NLN: variants seen among roughly 807,000 people sequenced by gnomAD.
The protein encoded by NLN is neurolysin, mitochondrial.
Under a neutral mutation model 79.9 loss-of-function variants are expected in NLN, and 64 were observed. The ratio of observed to expected loss-of-function variants is 0.80; its 90% CI spans 0.65 to 0.99. The LOEUF (loss-of-function observed/expected upper bound fraction) is 0.99. Among genes scored for constraint, NLN ranks in the 50% least tolerant of loss-of-function variants. The pLI, the probability that NLN is intolerant of heterozygous loss-of-function variation, is 0.00. For synonymous variants in NLN, 267 were observed against 296.6 expected, an observed-to-expected ratio of 0.90 and a Z score of 1.02; for missense variants, 835 against 858.7, an observed-to-expected ratio of 0.97 and a Z score of 0.34.
At chr5:65,809,462 C>A in intron 9 of NLN, 53 bp from the exon 10 acceptor site, 1 of 1,424,868 alleles carries the variant, frequency 7.0e-7, no homozygotes, top group Non-Finnish European at 9.6e-7. Context: ...TTATTCATTG[C>A]ATATGTACTT....
intron 5 of NLN, 71 bp from the exon 6 acceptor site, chr5:65,781,190 G>A: frequency 2.3e-6 from 2 of 880,486 alleles, no homozygotes; most frequent in South Asian, 3.3e-5. Context: ...CTACCAAAAG[G>A]CACCATGCCA....
chr5:65,751,353 A>G (rs551255196), intron 1 of NLN, among the ~76,000 whole-genome samples: 1 of 152,312 alleles, frequency 6.6e-6, no homozygotes, highest in South Asian at 2.1e-4. Context: ...ACTTGTGATG[A>G]TGAGGGAAGA....
intron 9 of NLN, among the ~76,000 whole-genome samples, chr5:65,799,332 T>G (rs548530551): frequency 2.6e-4 from 40 of 152,134 alleles, no homozygotes; most frequent in Non-Finnish European, 5.0e-4. Context: ...AAATAAAAAA[T>G]TAAAAGCATA....
Position 65,758,721 on chromosome 5 carries a change from G to T in NLN, c.196G>T (p.Val66Leu). 1 of 1,613,820 alleles carries T rather than the reference G, an allele frequency of 6.2e-7. No individual in the cohort carries two copies. The change falls in exon 2 of 13, where the codon GTG (valine) becomes TTG (leucine). Residue 66 changes from valine (V) to leucine (L), a missense_variant. Val to Leu is a conservative substitution (Grantham distance 32). Coordinates refer to ENST00000380985, the MANE Select transcript of NLN (RefSeq NM_020726.5). ...QIKTRTEELI[V>L]QTKQVYDAVG... ...TAAAACAAGAACTGAGGAGCTCATT[G>T]TGCAGACCAAACAGGTGTACGATGC...
At chr5:65,731,207 G>A (rs117143388) in intron 1 of NLN, among the ~76,000 whole-genome samples, 1 of 152,320 alleles carries the variant, frequency 6.6e-6, no homozygotes, top group East Asian at 1.9e-4. Flanking sequence ...GTCAGTGGCA[G>A]GGTTCCATGA....
chr5:65,757,254 C>A (rs1307281998), intron 1 of NLN, among the ~76,000 whole-genome samples: 2 of 152,122 alleles, frequency 1.3e-5, no homozygotes, highest in South Asian at 2.1e-4. Flanking sequence ...TACAGTAATG[C>A]CCTACCTACC....
intron 12 of NLN, among the ~76,000 whole-genome samples, chr5:65,817,604 T>G (rs1157871962): frequency 1.3e-5 from 2 of 152,252 alleles, no homozygotes; most frequent in Non-Finnish European, 2.9e-5. Context: ...CCTCCTCTTT[T>G]GCATTTGAAG....
At chr5:65,793,769 A>C (rs185947867) in intron 9 of NLN, 7 of 152,224 alleles carry the variant, frequency 4.6e-5, no homozygotes, top group Non-Finnish European at 1.0e-4. Context: ...CATTTTTATT[A>C]GGATACTTTT....
At chr5:65,750,430 A>G (rs925622619) in intron 1 of NLN, among the ~76,000 whole-genome samples, 7 of 152,254 alleles carry the variant, frequency 4.6e-5, no homozygotes, top group Admixed American at 6.5e-5. Flanking sequence ...GAGGAAATAG[A>G]TAAGTTGGCC....
At chr5:65,739,783 G>C (rs1239697840) in intron 1 of NLN, among the ~76,000 whole-genome samples, 1 of 151,968 alleles carries the variant, frequency 6.6e-6, no homozygotes, top group Middle Eastern at 3.2e-3. Context: ...TCATATACCT[G>C]TTTGCCATTT....
chr5:65,782,537 C>T (rs1205788174), intron 6 of NLN, among the ~76,000 whole-genome samples: 1 of 152,194 alleles, frequency 6.6e-6, no homozygotes, highest in African/African-American at 2.4e-5. Context: ...TTAATGAAGT[C>T]TGCTTTCAGG....
chr5:65,744,053 G>T (rs2561228), intron 1 of NLN, among the ~76,000 whole-genome samples: 35,997 of 152,034 alleles, frequency 0.24, 4,392 homozygotes, highest in African/African-American at 0.27. Flanking sequence ...CTGATATTCT[G>T]TTATTTCATT....
At chr5:65,754,951 T>C (rs796500029) in intron 1 of NLN, among the ~76,000 whole-genome samples, 23 of 152,308 alleles carry the variant, frequency 1.5e-4, no homozygotes, top group African/African-American at 5.3e-4. Context: ...AGTGTTCATG[T>C]AGGCAATTTA....
chr5:65,746,699 A>G (rs1271792302), intron 1 of NLN, among the ~76,000 whole-genome samples: 1 of 152,174 alleles, frequency 6.6e-6, no homozygotes, highest in African/African-American at 2.4e-5. Flanking sequence ...AGGCAGTACA[A>G]ATGAGACATT....
intron 12 of NLN, among the ~76,000 whole-genome samples, chr5:65,818,067 C>T (rs902833299): frequency 3.3e-5 from 5 of 152,174 alleles, no homozygotes; most frequent in Non-Finnish European, 5.9e-5. Context: ...GGAAGGAATT[C>T]GAATTGATTT....
chr5:65,771,711 A>G (rs1004825206), intron 3 of NLN, among the ~76,000 whole-genome samples: 1 of 152,076 alleles, frequency 6.6e-6, no homozygotes, highest in Non-Finnish European at 1.5e-5. Context: ...CCCAGCTCCA[A>G]ATTAAAATAC....
chr5:65,793,740 A>G (rs1163310509), intron 9 of NLN: 1 of 152,210 alleles, frequency 6.6e-6, no homozygotes, highest in Non-Finnish European at 1.5e-5. Context: ...TTAAAAAACA[A>G]CAACAACAAA....
At chr5:65,727,944 T>C (rs1758514402) in intron 1 of NLN, among the ~76,000 whole-genome samples, 1 of 152,146 alleles carries the variant, frequency 6.6e-6, no homozygotes, top group African/African-American at 2.4e-5. Context: ...TTTTTTGTAT[T>C]TTTAGTAGAG....
At chr5:65,730,178 TAA>T (rs2150732668) in intron 1 of NLN, among the ~76,000 whole-genome samples, 1 of 152,216 alleles carries the variant, frequency 6.6e-6, no homozygotes, top group African/African-American at 2.4e-5. Context: ...GAGAGACAAC[TAA>T]GGAAAATATA....
Sources: allele counts gnomAD v4.1 joint callset (sites outside exome capture counted in the v4.1 genomes callset), GRCh38; gene constraint gnomAD v4.1.1; transcripts MANE v1.5; gene names NCBI Gene and HGNC (gene_info 2026-07-23, HGNC 2026-07-21).